The following ERI3 variants were observed in gnomAD, a reference collection of about 807,000 sequenced individuals.
The protein encoded by ERI3 is ERI1 exoribonuclease 3.
ERI3 carries 18 observed loss-of-function variants against 44.4 expected under a neutral mutation model. That is an observed-to-expected ratio of 0.41 (90% CI 0.28 to 0.60). The LOEUF is 0.60. ERI3 is among the 20% of genes least tolerant of loss of function. The pLI is 0.36. For synonymous variants in ERI3, 183 were observed against 164.8 expected, an observed-to-expected ratio of 1.11 and a Z score of -0.84; for missense variants, 294 against 435.5, an observed-to-expected ratio of 0.68 and a Z score of 2.89.
intron 3 of ERI3, among the ~76,000 whole-genome samples, chr1:44,338,021 C>G (rs1331379092): frequency 6.6e-6 from 1 of 152,208 alleles, no homozygotes; most frequent in Non-Finnish European, 1.5e-5. Flanking sequence ...ATCATTCCCT[C>G]AAAGCAAACA....
intron 4 of ERI3, among the ~76,000 whole-genome samples, chr1:44,318,840 C>A (rs1483307750): frequency 1.3e-5 from 2 of 152,264 alleles, no homozygotes; most frequent in Non-Finnish European, 2.9e-5. Flanking sequence ...TGCTACCACA[C>A]ATTCTTAACC....
intron 7 of ERI3, among the ~76,000 whole-genome samples, chr1:44,262,496 C>A (rs991656823): frequency 2.6e-5 from 4 of 152,240 alleles, no homozygotes; most frequent in African/African-American, 9.6e-5. Flanking sequence ...GTCGAAGCTG[C>A]CCATGGCACA....
intron 2 of ERI3, among the ~76,000 whole-genome samples, chr1:44,352,586 C>T (rs565133490): frequency 6.6e-6 from 1 of 152,276 alleles, no homozygotes; most frequent in Non-Finnish European, 1.5e-5. Flanking sequence ...TCATGAGATG[C>T]CCATAAAGCA....
chr1:44,300,409 T>C (rs953233596), intron 6 of ERI3, among the ~76,000 whole-genome samples: 6 of 152,202 alleles, frequency 3.9e-5, no homozygotes, highest in Non-Finnish European at 7.3e-5. Context: ...CCAGAGGCCC[T>C]GTCTGCCACG....
rs1296378049 is a variant in ERI3, at chr1:44,299,612, C to T, written c.758+8698G>A. On this transcript the variant is annotated intron_variant, in intron 6 of 8. Transcript: ENST00000372257. ...GAGCACCAGTGGTTCCTTCTTGGAG[C>T]TTGGGAAAAAAGGTCTTCCAGCCTT... is the stretch of plus-strand genomic sequence containing the variant. 5.3e-5 allele frequency among the ~76,000 whole-genome samples: 8 copies of T among 152,124 alleles called. No homozygotes were observed. The East Asian group carries it at 1.5e-3, about 29-fold the overall frequency.
intron 7 of ERI3, among the ~76,000 whole-genome samples, chr1:44,254,182 C>G (rs549298489): frequency 6.6e-6 from 1 of 152,150 alleles, no homozygotes; most frequent in Non-Finnish European, 1.5e-5. Context: ...CAGCCATGGA[C>G]GTTGCCTCTC....
At chr1:44,281,661 T>A (rs1195680344) in intron 7 of ERI3, among the ~76,000 whole-genome samples, 4 of 149,556 alleles carry the variant, frequency 2.7e-5, no homozygotes, top group South Asian at 2.1e-4. Context: ...ATATATATGT[T>A]TACCTGTGTG....
chr1:44,274,393 A>G (rs555060936), intron 7 of ERI3, among the ~76,000 whole-genome samples: 13 of 152,330 alleles, frequency 8.5e-5, no homozygotes, highest in African/African-American at 3.1e-4. Context: ...TTGTAAAAGG[A>G]CATAATATTT....
chr1:44,310,491 G>C (rs1202712263), intron 5 of ERI3, among the ~76,000 whole-genome samples: 2 of 152,158 alleles, frequency 1.3e-5, no homozygotes, highest in Non-Finnish European at 2.9e-5. Context: ...ACATGAGTAG[G>C]TAAAAGTTTA....
At chr1:44,233,189 G>C (rs940979835) in intron 8 of ERI3, among the ~76,000 whole-genome samples, 1 of 152,132 alleles carries the variant, frequency 6.6e-6, no homozygotes, top group Non-Finnish European at 1.5e-5. Flanking sequence ...TTCCTGATCA[G>C]TGTGCACTCT....
At chr1:44,311,069 G>T (rs1645962746) in intron 5 of ERI3, among the ~76,000 whole-genome samples, 2 of 150,740 alleles carry the variant, frequency 1.3e-5, no homozygotes, top group South Asian at 4.2e-4. Context: ...AAGAGGTAAG[G>T]TGAAACTAGG....
At position 44,310,961 on chromosome 1, in the gene ERI3, GCGCACACACA is replaced by G. The variant is rs1176049353; in HGVS notation, c.666+2198_666+2207del. Among the ~76,000 whole-genome samples, 299 of 84,664 alleles carry G rather than the reference GCGCACACACA, an allele frequency of 3.5e-3. 1 individual carries two copies. The highest frequency in any genetic ancestry group is 7.3e-3 in the African/African-American group (156 of 21,428). The allele number at this position is 84,664 out of a possible 152,430, so 55.5% of individuals were successfully genotyped here. A position where few individuals can be genotyped will look rare whatever the true frequency, so the allele number is the denominator to read the frequency against. ...GCATGTATGTGCACATCGCGCGCGC[GCGCACACACA>G]CACACACACACACACACACACACAC... On this transcript the variant is annotated intron_variant, in intron 5 of 8. Transcript: ENST00000372257.
intron 7 of ERI3, among the ~76,000 whole-genome samples, chr1:44,263,148 T>A (rs1644926972): frequency 6.6e-6 from 1 of 152,134 alleles, no homozygotes; most frequent in Non-Finnish European, 1.5e-5. Context: ...AGCTCCTACA[T>A]CAGAAGGATT....
intron 8 of ERI3, among the ~76,000 whole-genome samples, chr1:44,225,539 G>T (rs1294535967): frequency 3.9e-5 from 6 of 152,068 alleles, no homozygotes; most frequent in Non-Finnish European, 8.8e-5. Context: ...TTTTTATATT[G>T]CCAAGACCAT....
intron 3 of ERI3, among the ~76,000 whole-genome samples, chr1:44,321,594 C>CT (rs1646205494): frequency 6.6e-6 from 1 of 152,210 alleles, no homozygotes; most frequent in South Asian, 2.1e-4. Context: ...AGAGCCAACT[C>CT]TGAGGTGTTG....
intron 7 of ERI3, among the ~76,000 whole-genome samples, chr1:44,277,445 T>G (rs1557812249): frequency 1.3e-5 from 2 of 152,192 alleles, no homozygotes; most frequent in Non-Finnish European, 2.9e-5. Context: ...CTCTTGTCCT[T>G]TCTCTCACCT....
chr1:44,228,043 A>G lies in ERI3; in HGVS notation c.932-6403T>C, dbSNP rs926637. Among the ~76,000 whole-genome samples, 65,163 of 151,054 alleles carry G rather than the reference A, an allele frequency of 0.43. 15,905 individuals are homozygous for G. The highest frequency in any genetic ancestry group is 0.68 in the African/African-American group (27,889 of 41,068). On this transcript the variant is annotated intron_variant, in intron 8 of 8. Transcript: ENST00000372257. This position sits in a 1 kb window ranked among gnomAD's most constrained non-coding sequence, Gnocchi z 4.3. ...TAAATTCCTGATATCCCCACCCCCC[A>G]GTTCCTTGTCTCAGACATGGCCTAC...
intron 6 of ERI3, among the ~76,000 whole-genome samples, chr1:44,298,283 A>G (rs1023046947): frequency 6.6e-6 from 1 of 152,218 alleles, no homozygotes; most frequent in African/African-American, 2.4e-5. Flanking sequence ...GTCTCTCCCT[A>G]TCACAAGACC....
intron 7 of ERI3, among the ~76,000 whole-genome samples, chr1:44,257,257 T>A (rs867155356): frequency 7.2e-5 from 11 of 152,304 alleles, no homozygotes; most frequent in South Asian, 4.1e-4. Flanking sequence ...TACATCTCTA[T>A]AATTAACAAC....
Sources: allele counts gnomAD v4.1 joint callset (sites outside exome capture counted in the v4.1 genomes callset), GRCh38; gene constraint gnomAD v4.1.1; non-coding constraint Gnocchi (gnomAD v3.1); transcripts MANE v1.5; gene names NCBI Gene and HGNC (gene_info 2026-07-23, HGNC 2026-07-21).